RFX2: variants seen among roughly 807,000 people sequenced by gnomAD.
The protein encoded by RFX2 is regulatory factor X2.
Under a neutral mutation model 87.8 loss-of-function variants are expected in RFX2, and 20 were observed. The observed-to-expected ratio is 0.23, with a 90% CI of 0.16 to 0.33. RFX2 has a LOEUF of 0.33. RFX2 is among the 10% of genes least tolerant of loss of function. RFX2 has a pLI of 1.00. For missense variants in RFX2, 767 were observed against 1,012.3 expected (o/e 0.76, Z 3.29); for synonymous variants, 397 against 431.3 (o/e 0.92, Z 0.98).
At position 6,045,059 on chromosome 19, in the gene RFX2, T is replaced by C. The variant is rs1421887120; in HGVS notation, c.91-777A>G. Among the ~76,000 whole-genome samples, 1 of 152,144 alleles carries C rather than the reference T, an allele frequency of 6.6e-6. No individual in the cohort carries two copies. Among genetic ancestry groups the C allele is most frequent in the Non-Finnish European group, 1.5e-5 (1 of 68,024 alleles). ...TTGAGAGCTGGGGCTTTCGGAGTCA[T>C]TGGCTGCAGTGCTGTGATTTCCCGG... On this transcript the variant is annotated intron_variant, in intron 2 of 17. Coordinates refer to ENST00000303657, the MANE Select transcript of RFX2 (RefSeq NM_000635.4). This position sits in a 1 kb window ranked among gnomAD's most constrained non-coding sequence, Gnocchi z 5.2.
At chr19:6,076,002 G>A (rs773059486) in intron 1 of RFX2, among the ~76,000 whole-genome samples, 1 of 152,174 alleles carries the variant, frequency 6.6e-6, no homozygotes, top group Non-Finnish European at 1.5e-5. Flanking sequence ...AATACACAGC[G>A]TCACCCCTTT....
At chr19:6,054,288 A>C (rs1211784292) in intron 1 of RFX2, among the ~76,000 whole-genome samples, 1 of 152,184 alleles carries the variant, frequency 6.6e-6, no homozygotes, top group Admixed American at 6.5e-5. Context: ...CTTCAGGCAC[A>C]TATAGTTTTA....
chr19:6,101,497 C>T lies in RFX2; in HGVS notation c.-9+8896G>A, dbSNP rs2088127246. Among the ~76,000 whole-genome samples the T allele has an allele frequency of 6.6e-6, 1 of 152,182 alleles. No individual in the cohort carries two copies. Among genetic ancestry groups the T allele is most frequent in the Non-Finnish European group, 1.5e-5 (1 of 68,032 alleles). ...TCTAAGGCCTTTCCCCACAGATCACCTTTTGGACAGAAATGTATCCTTGGA... is the reference window on the plus strand; with the variant it reads ...TCTAAGGCCTTTCCCCACAGATCACTTTTTGGACAGAAATGTATCCTTGGA... On this transcript the variant is annotated intron_variant, in intron 1 of 17. Transcript: ENST00000303657. This position sits in a 1 kb window ranked among gnomAD's most constrained non-coding sequence, Gnocchi z 4.9.
rs1433557977 is a variant in RFX2 at position 6,011,697 on chromosome 19, C to T, written c.899+1289G>A. Among the ~76,000 whole-genome samples the T allele has an allele frequency of 6.6e-6, 1 of 152,226 alleles. No individual in the cohort carries two copies. The highest frequency in any genetic ancestry group is 2.4e-5 in the African/African-American group (1 of 41,452). On this transcript the variant is annotated intron_variant, in intron 8 of 17. Coordinates refer to ENST00000303657, the MANE Select transcript of RFX2 (RefSeq NM_000635.4). The surrounding 1 kb of genome is among the most constrained non-coding windows in gnomAD (Gnocchi z 4.8). The stretch of plus-strand genomic sequence containing the variant: ...GAAGGAATGCTCTGGAAACTCTCTC[C>T]TGGAACCTCCAACTCCTGGGAGTGG...
chr19:6,033,283 C>T (rs1229600226), intron 5 of RFX2, among the ~76,000 whole-genome samples: 1 of 152,178 alleles, frequency 6.6e-6, no homozygotes, highest in Non-Finnish European at 1.5e-5. Flanking sequence ...ATACTGTGAT[C>T]ATTTTGCATA....
intron 1 of RFX2, among the ~76,000 whole-genome samples, chr19:6,107,574 G>A (rs1421222477): frequency 1.6e-5 from 2 of 122,686 alleles, no homozygotes. Context: ...CTGAGATCTT[G>A]CCACTGCACT....
chr19:6,056,799 G>A lies in RFX2; in HGVS notation c.-8-9295C>T, dbSNP rs2087349320. Among the ~76,000 whole-genome samples, 1 of 152,156 alleles carries A rather than the reference G, an allele frequency of 6.6e-6. No individual in the cohort carries two copies. Among genetic ancestry groups the A allele is most frequent in the Non-Finnish European group, 1.5e-5 (1 of 68,026 alleles). ...TTTTCTTCCTGTGGCGAGGACCTGG[G>A]CAGTCTTACTTTGACTGCCTTCCCC... On this transcript the variant is annotated intron_variant, in intron 1 of 17. Coordinates refer to ENST00000303657, the MANE Select transcript of RFX2 (RefSeq NM_000635.4). The surrounding 1 kb of genome is among the most constrained non-coding windows in gnomAD (Gnocchi z 4.6).
chr19:6,006,810 C>T lies in RFX2; in HGVS notation c.1402+202G>A, dbSNP rs2086588602. On this transcript the variant is annotated intron_variant, in intron 12 of 17. Coordinates refer to ENST00000303657, the MANE Select transcript of RFX2 (RefSeq NM_000635.4). ...GTCTCACTATGCTGCCCAGGCTGGT[C>T]TCAAACTCCTGGGCTCAGCGATTTG... Among the ~76,000 whole-genome samples the T allele has an allele frequency of 2.0e-5, 3 of 150,208 alleles. No individual in the cohort carries two copies. The South Asian group carries it at 6.3e-4, about 31-fold the overall frequency.
chr19:6,028,883 T>A (rs953605458), intron 5 of RFX2, among the ~76,000 whole-genome samples: 4 of 152,172 alleles, frequency 2.6e-5, no homozygotes, highest in Admixed American at 2.6e-4. Context: ...AAGACCAGCC[T>A]GGCTAACATG....
intron 1 of RFX2, among the ~76,000 whole-genome samples, chr19:6,104,299 G>A (rs779453667): frequency 6.6e-6 from 1 of 152,108 alleles, no homozygotes; most frequent in African/African-American, 2.4e-5. Flanking sequence ...GCCGGGTGCG[G>A]TGGTTCACGC....
In RFX2 at chr19:5,998,387, A is replaced by G. The variant is rs2086446310; in HGVS notation, c.1860-1174T>C. On this transcript the variant is annotated intron_variant, in intron 15 of 17. Transcript: ENST00000303657. This position sits in a 1 kb window ranked among gnomAD's most constrained non-coding sequence, Gnocchi z 4.2. ...ACTTATATACAGTGGCACCTGATTA[A>G]AAACTTTGGCCTACAAGCCAGGCGG... Among the ~76,000 whole-genome samples the G allele has an allele frequency of 6.6e-6, 1 of 152,154 alleles. No homozygotes were observed.
In RFX2 at chr19:6,040,219, G is replaced by T. The variant is rs2087088939; in HGVS notation, c.283C>A (p.Pro95Thr). The T allele has an allele frequency of 2.5e-6, 4 of 1,578,794 alleles. No individual in the cohort carries two copies. In the East Asian group the frequency reaches 9.1e-5, roughly 36 times the overall value. ...GAIRTAYTYN[P>T]EPQMYAPSST... The stretch of plus-strand genomic sequence containing the variant: ...CTGGGGGCGTACATCTGAGGCTCGG[G>T]GTTGTAGGTGTAGGCTGTTCGTCTG... Residue 95 changes from proline (P) to threonine (T), a missense_variant, in exon 5 of 18, where the codon CCC (proline) becomes ACC (threonine). This residue lies in a region of RFX2 where 146 missense variants were observed against 139.2 expected (regional missense o/e 1.05). Transcript: ENST00000303657. The surrounding 1 kb of genome is among the most constrained non-coding windows in gnomAD (Gnocchi z 6.1).
intron 1 of RFX2, among the ~76,000 whole-genome samples, chr19:6,094,914 G>A (rs1599929252): frequency 6.6e-6 from 1 of 152,060 alleles, no homozygotes; most frequent in South Asian, 2.1e-4. Context: ...GGATCACGAG[G>A]TCAGGAGATT....
Position 6,024,939 on chromosome 19 carries a change from C to T in RFX2, c.597+1224G>A, listed in dbSNP as rs1599862586. 1.3e-5 allele frequency among the ~76,000 whole-genome samples: 2 copies of T among 148,184 alleles called. No homozygotes were observed. Among genetic ancestry groups the T allele is most frequent in the South Asian group, 2.2e-4 (1 of 4,556 alleles). On this transcript the variant is annotated intron_variant, in intron 6 of 17. Transcript: ENST00000303657. This position sits in a 1 kb window ranked among gnomAD's most constrained non-coding sequence, Gnocchi z 5.0. ...ATCACGGTGAGGACGGGAGTCAGGA[C>T]GGGATCACGGTGAGGACGGGAGTCA...
intron 1 of RFX2, among the ~76,000 whole-genome samples, chr19:6,048,677 C>G (rs1448200739): frequency 6.6e-6 from 1 of 152,218 alleles, no homozygotes; most frequent in Non-Finnish European, 1.5e-5. Context: ...TTTTACGTTT[C>G]TCTATCACCC....
In RFX2 at chr19:5,994,053, G is replaced by A. The variant is rs1172833196; in HGVS notation, c.*782C>T. On this transcript the variant is annotated 3_prime_UTR_variant, in exon 18 of 18. Coordinates refer to ENST00000303657, the MANE Select transcript of RFX2 (RefSeq NM_000635.4). ...CTTCCTGCTGCTGATAAAACTTCTG[G>A]TTTTGATTTTTTGAAAGACACTGCT... The A allele has an allele frequency of 6.6e-6, 1 of 152,226 alleles. No individual in the cohort carries two copies. Among genetic ancestry groups the A allele is most frequent in the African/African-American group, 2.4e-5 (1 of 41,442 alleles). 9.4% of individuals were successfully genotyped at this position (152,226 alleles called of 1,614,324 possible). A position where few individuals can be genotyped will look rare whatever the true frequency, so the allele number is the denominator to read the frequency against.
chr19:6,026,654 G>A lies in RFX2; in HGVS notation c.523-417C>T. 1 of 198,450 alleles carries A rather than the reference G, an allele frequency of 5.0e-6. No homozygotes were observed. The highest frequency in any genetic ancestry group is 1.0e-5 in the Non-Finnish European group (1 of 96,248). The allele number at this position is 198,450 out of a possible 1,614,324, so 12.3% of individuals were successfully genotyped here. On this transcript the variant is annotated intron_variant, in intron 5 of 17. Coordinates refer to ENST00000303657, the MANE Select transcript of RFX2 (RefSeq NM_000635.4). The surrounding 1 kb of genome is among the most constrained non-coding windows in gnomAD (Gnocchi z 4.5). ...CGATGGGGAACCAGAATGAAAGCAAGGAGAGATGGCAGCCTTGACTCCCCA... is the reference window on the plus strand; with the variant it reads ...CGATGGGGAACCAGAATGAAAGCAAAGAGAGATGGCAGCCTTGACTCCCCA...
Position 5,994,250 on chromosome 19 carries a change from A to T in RFX2, c.*585T>A, listed in dbSNP as rs1366051039. 1 of 152,218 alleles carries T rather than the reference A, an allele frequency of 6.6e-6. No individual in the cohort carries two copies. Among genetic ancestry groups the T allele is most frequent in the African/African-American group, 2.4e-5 (1 of 41,438 alleles). The allele number at this position is 152,218 out of a possible 1,614,324, so 9.4% of individuals were successfully genotyped here. A position where few individuals can be genotyped will look rare whatever the true frequency, so the allele number is the denominator to read the frequency against. On this transcript the variant is annotated 3_prime_UTR_variant, in exon 18 of 18. Coordinates refer to ENST00000303657, the MANE Select transcript of RFX2 (RefSeq NM_000635.4). ...GCATCCGGCAGGGAGGTCTGGATCT[A>T]AAAGGCCACAGGGCGCTGCGCCCAG...
At chr19:6,043,822 T>C (rs1462376503) in intron 3 of RFX2, among the ~76,000 whole-genome samples, 4 of 152,228 alleles carry the variant, frequency 2.6e-5, no homozygotes, top group Non-Finnish European at 5.9e-5. Context: ...GCATTTCCTC[T>C]GTTGTGCCCG....
Sources: gnomAD v4.1 joint callset for allele counts (sites outside exome capture counted in the v4.1 genomes callset) on GRCh38, gnomAD v4.1.1 for gene constraint, gnomAD v4.1.1 regional missense constraint, Gnocchi (gnomAD v3.1) non-coding constraint, MANE v1.5 for transcripts, NCBI Gene and HGNC (gene_info 2026-07-23, HGNC 2026-07-21) for gene names.